EPC2: variants seen among roughly 807,000 people sequenced by gnomAD.
The protein encoded by EPC2 is enhancer of polycomb homolog 2.
Under a neutral mutation model 92.1 loss-of-function variants are expected in EPC2, and 14 were observed. That is an observed-to-expected ratio of 0.15 (90% CI 0.10 to 0.24). EPC2 has a LOEUF of 0.24. EPC2 is among the 10% of genes least tolerant of loss of function. The pLI is 1.00. For synonymous variants in EPC2, 340 were observed against 334.7 expected (o/e 1.02, Z -0.17); for missense variants, 755 against 971.5 (o/e 0.78, Z 2.96).
intron 10 of EPC2, among the ~76,000 whole-genome samples, chr2:148,772,995 TACC>T (rs1433875214): frequency 2.6e-5 from 4 of 152,196 alleles, no homozygotes; most frequent in African/African-American, 9.6e-5. Context: ...TGCTGATGTA[TACC>T]ACATTAAAAA....
chr2:148,653,007 A>G (rs769416732), intron 1 of EPC2, among the ~76,000 whole-genome samples: 2 of 151,910 alleles, frequency 1.3e-5, no homozygotes, highest in African/African-American at 2.4e-5. Flanking sequence ...TGTGTGTGTA[A>G]TGGTGTGTGT....
chr2:148,667,048 T>C (rs777728462), intron 1 of EPC2, among the ~76,000 whole-genome samples: 5 of 152,158 alleles, frequency 3.3e-5, no homozygotes, highest in Admixed American at 2.6e-4. Context: ...CACAGATTCT[T>C]AGAAAGGAAA....
chr2:148,740,406 A>C (rs886520525), intron 2 of EPC2, among the ~76,000 whole-genome samples: 1 of 152,074 alleles, frequency 6.6e-6, no homozygotes. Context: ...CAAAATCTAT[A>C]ATGATTCTTA....
chr2:148,656,023 G>T (rs896767995), intron 1 of EPC2, among the ~76,000 whole-genome samples: 4 of 113,638 alleles, frequency 3.5e-5, no homozygotes, highest in South Asian at 3.0e-4. Context: ...GTGTGTGTGT[G>T]TGGGGGGGGG....
At chr2:148,651,958 C>T (rs1377071120) in intron 1 of EPC2, among the ~76,000 whole-genome samples, 2 of 152,158 alleles carry the variant, frequency 1.3e-5, no homozygotes, top group Non-Finnish European at 2.9e-5. Context: ...GACTCTGGGG[C>T]TCTTGCTTCA....
In EPC2 at chr2:148,743,772, T is replaced by C. The variant is rs1682928281; in HGVS notation, c.459+5T>C. ...GAAAAAGCCAGTTCTAATCAGGTAC[T>C]GTACCATGTAAAGATGTCTCTTATC... On this transcript the variant is annotated splice_donor_5th_base_variant and intron_variant, in intron 3 of 13. Transcript: ENST00000258484. 1 of 1,545,510 alleles carries C rather than the reference T, an allele frequency of 6.5e-7. No homozygotes were observed. Among genetic ancestry groups the C allele is most frequent in the Non-Finnish European group, 8.7e-7 (1 of 1,152,292 alleles).
chr2:148,701,103 T>A (rs560018782), intron 2 of EPC2, among the ~76,000 whole-genome samples: 221 of 152,224 alleles, frequency 1.5e-3, no homozygotes, highest in Non-Finnish European at 2.4e-3. Flanking sequence ...AACTGACTTT[T>A]GTATATTAAC....
chr2:148,654,499 A>G (rs148401594), intron 1 of EPC2, among the ~76,000 whole-genome samples: 65 of 152,258 alleles, frequency 4.3e-4, no homozygotes, highest in Middle Eastern at 3.4e-3. Context: ...GTCTACAAAA[A>G]ATAAAAACAT....
rs926601752 is a variant in EPC2 at position 148,676,654 on chromosome 2, GT to G, written c.154-13550del. ...ACCTGCTTGTTTACTTCATATCCTA[GT>G]TTTTTTTTTAAGTGGAGATCTAAAG... On this transcript the variant is annotated intron_variant, in intron 1 of 13. Coordinates refer to ENST00000258484, the MANE Select transcript of EPC2 (RefSeq NM_015630.4). 8.8e-5 allele frequency among the ~76,000 whole-genome samples: 13 copies of G among 147,450 alleles called. 1 individual carries two copies. The highest frequency in any genetic ancestry group is 3.5e-3 in the Middle Eastern group (1 of 282).
intron 2 of EPC2, among the ~76,000 whole-genome samples, chr2:148,725,932 A>C (rs1373470368): frequency 6.6e-6 from 1 of 152,122 alleles, no homozygotes; most frequent in Non-Finnish European, 1.5e-5. Context: ...CATTTTGTAA[A>C]ACTTAAACTA....
rs1683128517 is a variant in EPC2, at chr2:148,754,002, G to A, written c.535G>A (p.Val179Met). The change falls in exon 4 of 14, where the codon GTG (valine) becomes ATG (methionine). Residue 179 changes from valine to methionine, a missense_variant. By Grantham distance (21) the Val-to-Met change is conservative. This residue lies in a region of EPC2 where 509 missense variants were observed against 607.7 expected (regional missense o/e 0.84). Transcript: ENST00000258484. ...YLIKAVYDYWVRKRKNCRGPS... is the reference protein window; with the variant it reads ...YLIKAVYDYWMRKRKNCRGPS... ...TATTAAAGCTGTATATGACTACTGG[G>A]TGAGAAAACGTAAAAACTGCAGGGG... 1 of 1,611,804 alleles carries A rather than the reference G, an allele frequency of 6.2e-7. No homozygotes were observed. Among genetic ancestry groups the A allele is most frequent in the Admixed American group, 1.7e-5 (1 of 59,656 alleles).
intron 1 of EPC2, among the ~76,000 whole-genome samples, chr2:148,673,163 A>G (rs1037567861): frequency 6.6e-6 from 1 of 152,046 alleles, no homozygotes; most frequent in Non-Finnish European, 1.5e-5. Context: ...AATGTTTCTC[A>G]GTGTGTGTGT....
intron 1 of EPC2, among the ~76,000 whole-genome samples, chr2:148,647,369 G>A (rs569977228): frequency 6.6e-6 from 1 of 152,168 alleles, no homozygotes; most frequent in African/African-American, 2.4e-5. Context: ...TTGCAATGGC[G>A]CGATCTCGGC....
chr2:148,731,067 C>G (rs1365165552), intron 2 of EPC2, among the ~76,000 whole-genome samples: 3 of 152,096 alleles, frequency 2.0e-5, no homozygotes, highest in Non-Finnish European at 4.4e-5. Flanking sequence ...TTTAGAATAC[C>G]CTTGCATCTA....
intron 2 of EPC2, among the ~76,000 whole-genome samples, chr2:148,716,960 A>G (rs1054747396): frequency 6.6e-6 from 1 of 152,048 alleles, no homozygotes; most frequent in Non-Finnish European, 1.5e-5. Flanking sequence ...TTCCTGGTTC[A>G]GTCTTTGGAG....
At chr2:148,645,218 C>G in intron 1 of EPC2, 48 bp downstream of exon 1, 1 of 1,474,854 alleles carries the variant, frequency 6.8e-7, no homozygotes, top group Admixed American at 2.1e-5. Context: ...TCCCCCCTCC[C>G]CTTTGTCAGT....
chr2:148,732,006 A>G (rs969213790), intron 2 of EPC2, among the ~76,000 whole-genome samples: 1 of 152,216 alleles, frequency 6.6e-6, no homozygotes, highest in Admixed American at 6.5e-5. Context: ...TATCTCATTT[A>G]TTTACAAAAA....
chr2:148,755,261 T>C (rs1034780870), intron 4 of EPC2, among the ~76,000 whole-genome samples: 2 of 152,198 alleles, frequency 1.3e-5, no homozygotes, highest in Non-Finnish European at 2.9e-5. Context: ...GAATCTACAA[T>C]ATTTTATGAA....
intron 1 of EPC2, among the ~76,000 whole-genome samples, chr2:148,663,568 TC>T (rs1680990907): frequency 6.7e-6 from 1 of 149,030 alleles, no homozygotes; most frequent in South Asian, 2.1e-4. Context: ...CTAGCAAAAT[TC>T]CAGTTTTACT....
Sources: allele counts gnomAD v4.1 joint callset (sites outside exome capture counted in the v4.1 genomes callset), GRCh38; gene constraint gnomAD v4.1.1; regional missense constraint gnomAD v4.1.1; transcripts MANE v1.5; gene names NCBI Gene and HGNC (gene_info 2026-07-23, HGNC 2026-07-21).